Variants in NUFIP2 observed in about 807,000 individuals in gnomAD.
NUFIP2 encodes the protein nuclear FMR1 interacting protein 2, also known as FMR1-interacting protein NUFIP2.
In NUFIP2, 6 loss-of-function variants were observed where a neutral mutation model predicts 56.9. The observed-to-expected ratio is 0.11, with a 90% CI of 0.06 to 0.21. NUFIP2 has a LOEUF of 0.21. NUFIP2 is among the 10% of genes least tolerant of loss of function. NUFIP2 has a pLI of 1.00. For synonymous variants in NUFIP2, 321 were observed against 298.2 expected (o/e 1.08, Z -0.79); for missense variants, 828 against 826.8 (o/e 1.00, Z -0.02).
At chr17:29,291,882 T>C (rs369589868) in intron 1 of NUFIP2, among the ~76,000 whole-genome samples, 2 of 152,168 alleles carry the variant, frequency 1.3e-5, no homozygotes, top group South Asian at 4.1e-4. Flanking sequence ...AGTCCCAAAA[T>C]GGAAAATCTG....
intron 2 of NUFIP2, among the ~76,000 whole-genome samples, chr17:29,285,101 G>C (rs2069164145): frequency 6.6e-6 from 1 of 151,964 alleles, no homozygotes; most frequent in Admixed American, 6.6e-5. Flanking sequence ...AGAAGTTTGA[G>C]ATCAGCCTGG....
chr17:29,270,736 T>C (rs2069067080), intron 2 of NUFIP2, among the ~76,000 whole-genome samples: 2 of 152,084 alleles, frequency 1.3e-5, no homozygotes, highest in African/African-American at 2.4e-5. Flanking sequence ...TCCCAGTACT[T>C]TGGGAGGCCA....
At position 29,287,389 on chromosome 17, in the gene NUFIP2, T is replaced by C; in HGVS notation, c.605A>G (p.Tyr202Cys). 1.2e-6 allele frequency: 2 copies of C among 1,614,098 alleles called. No individual in the cohort carries two copies. The highest frequency in any genetic ancestry group is 1.1e-5 in the South Asian group (1 of 91,080). ...ATCATTATCTGCTCCTTTACCCATA[T>C]AACCATTAGTAATATAACCAGAATT... ...TNNSGYITNGYMGKGADNDGS... is the reference protein window; with the variant it reads ...TNNSGYITNGCMGKGADNDGS... Residue 202 changes from tyrosine (Y) to cysteine (C), a missense_variant, in exon 2 of 4, where the codon TAT becomes TGT. This residue lies in a region of NUFIP2 where 415 missense variants were observed against 408.7 expected (regional missense o/e 1.02). Coordinates refer to ENST00000225388, the MANE Select transcript of NUFIP2 (RefSeq NM_020772.3).
In NUFIP2 at chr17:29,286,245, C is replaced by A. The variant is rs770522126; in HGVS notation, c.1749G>T (p.Gly583=). The A allele has an allele frequency of 6.2e-7, 1 of 1,614,146 alleles. No homozygotes were observed. The highest frequency in any genetic ancestry group is 1.6e-4 in the Middle Eastern group (1 of 6,062). The part of the protein sequence containing the change: ...PQVLGSILKS[G]TTSESGALSL... ...ATAAGGCTCCACTCTCACTAGTAGT[C>A]CCAGATTTTAGAATGCTACCCAGAA... Residue 583 remains glycine (G), a synonymous_variant, in exon 2 of 4, where the codon GGG becomes GGT. Transcript: ENST00000225388.
intron 1 of NUFIP2, among the ~76,000 whole-genome samples, chr17:29,292,923 C>T (rs1467497908): frequency 1.4e-5 from 2 of 145,314 alleles, no homozygotes; most frequent in Admixed American, 6.8e-5. Flanking sequence ...CCGGCGCCCC[C>T]GCAGTGCAGG....
intron 2 of NUFIP2, among the ~76,000 whole-genome samples, chr17:29,281,653 C>T (rs1184912957): frequency 8.8e-5 from 13 of 147,328 alleles, no homozygotes; most frequent in African/African-American, 2.8e-4. Context: ...AGTGCCACTG[C>T]ACTCCAGCCT....
At position 29,258,976 on chromosome 17, in the gene NUFIP2, TTAA is replaced by T. The variant is rs1285990063; in HGVS notation, c.*5560_*5562del. 2.6e-5 allele frequency: 4 copies of T among 152,052 alleles called. No homozygotes were observed. Among genetic ancestry groups the T allele is most frequent in the African/African-American group, 7.3e-5 (3 of 41,314 alleles). The allele number at this position is 152,052 out of a possible 1,614,324, so 9.4% of individuals were successfully genotyped here. A position where few individuals can be genotyped will look rare whatever the true frequency, so the allele number is the denominator to read the frequency against. On this transcript the variant is annotated 3_prime_UTR_variant, in exon 4 of 4. Transcript: ENST00000225388. ...TCTATGAAGGATAAATGAAAACAGA[TTAA>T]TAATAGACAAACAGGGTAAACTAAA...
chr17:29,293,866 C>T lies in NUFIP2; in HGVS notation c.194G>A (p.Ser65Asn), dbSNP rs763899407. ...HQYLQHGAEG[S>N]PKAQPKPLKH... The stretch of plus-strand genomic sequence containing the variant: ...CAGCGGCTTTGGCTGGGCCTTGGGG[C>T]TGCCCTCGGCTCCATGCTGCAGGTA... The change falls in exon 1 of 4, where the codon AGC becomes AAC. Residue 65 changes from serine (S) to asparagine (N), a missense_variant. Ser to Asn is a conservative substitution (Grantham distance 46). Transcript: ENST00000225388. 8 of 1,613,264 alleles carry T rather than the reference C, an allele frequency of 5.0e-6. No homozygotes were observed. Among genetic ancestry groups the T allele is most frequent in the South Asian group, 1.1e-5 (1 of 91,036 alleles).
At chr17:29,291,746 T>C (rs2069214887) in intron 1 of NUFIP2, among the ~76,000 whole-genome samples, 1 of 152,234 alleles carries the variant, frequency 6.6e-6, no homozygotes, top group African/African-American at 2.4e-5. Context: ...TTGAACAAGA[T>C]CTAATGCTAA....
intron 1 of NUFIP2, among the ~76,000 whole-genome samples, chr17:29,291,045 A>AG (rs200746905): frequency 6.6e-5 from 10 of 151,322 alleles, no homozygotes; most frequent in South Asian, 4.2e-4. Flanking sequence ...CAAAAAAAAA[A>AG]AAAAAAAAGA....
chr17:29,279,875 G>A (rs2069130017), intron 2 of NUFIP2, among the ~76,000 whole-genome samples: 1 of 152,148 alleles, frequency 6.6e-6, no homozygotes, highest in Non-Finnish European at 1.5e-5. Flanking sequence ...ATAGAGTGCA[G>A]TGGTGTGATC....
chr17:29,272,638 C>A (rs556014419), intron 2 of NUFIP2, among the ~76,000 whole-genome samples: 2 of 152,270 alleles, frequency 1.3e-5, no homozygotes, highest in South Asian at 4.1e-4. Flanking sequence ...TATACAAAAT[C>A]ATCATACACA....
intron 1 of NUFIP2, among the ~76,000 whole-genome samples, chr17:29,292,407 A>AT (rs35830192): frequency 0.078 from 10,886 of 140,352 alleles, 582 homozygotes; most frequent in South Asian, 0.18. Context: ...AGGTTTTTGG[A>AT]TTTTTTTTTT....
chr17:29,267,060 C>T lies in NUFIP2; in HGVS notation c.2035+438G>A, dbSNP rs367753802. Reference sequence around the variant, plus strand: ...CTGGAATTACAGGCGCCTGCCACCACGCCCAGCTAATTTTTGTATTTTTAG... The same window carrying T: ...CTGGAATTACAGGCGCCTGCCACCATGCCCAGCTAATTTTTGTATTTTTAG... On this transcript the variant is annotated intron_variant, in intron 3 of 3. Transcript: ENST00000225388. Among the ~76,000 whole-genome samples the T allele has an allele frequency of 9.9e-5, 15 of 151,764 alleles. No individual in the cohort carries two copies. In the East Asian group the frequency reaches 1.5e-3, roughly 16 times the overall value.
rs376821554 is a variant in NUFIP2, at chr17:29,286,630, T to A, written c.1364A>T (p.Gln455Leu). Residue 455 changes from glutamine (Q) to leucine (L), a missense_variant, in exon 2 of 4, where the codon CAG becomes CTG. By Grantham distance (113) the Gln-to-Leu change is moderately radical (BLOSUM62 -2). Transcript: ENST00000225388. ...AGCTGCTGAAGTTAGACTCATGTCCTGGAGAACTGAATCTGTCCCAGAAGA... is the reference window on the plus strand; with the variant it reads ...AGCTGCTGAAGTTAGACTCATGTCCAGGAGAACTGAATCTGTCCCAGAAGA... ...PISSGTDSVL[Q>L]DMSLTSAAVE... 17 of 1,614,096 alleles carry A rather than the reference T, an allele frequency of 1.1e-5. No homozygotes were observed. The African/African-American group carries it at 2.0e-4, about 19-fold the overall frequency.
intron 2 of NUFIP2, among the ~76,000 whole-genome samples, chr17:29,282,715 A>G (rs1277761852): frequency 6.6e-6 from 1 of 152,190 alleles, no homozygotes; most frequent in African/African-American, 2.4e-5. Context: ...AATGCAGAGA[A>G]CTTCCAATTC....
intron 2 of NUFIP2, 132 bp downstream of exon 2, chr17:29,285,860 G>A (rs1301648915): frequency 1.5e-6 from 1 of 665,522 alleles, no homozygotes; most frequent in East Asian, 2.8e-5. Context: ...TTTGACACCA[G>A]CTGCTTATCC....
Position 29,258,846 on chromosome 17 carries a change from TC to T in NUFIP2, c.*5692del, listed in dbSNP as rs2068985706. On this transcript the variant is annotated 3_prime_UTR_variant, in exon 4 of 4. Coordinates refer to ENST00000225388, the MANE Select transcript of NUFIP2 (RefSeq NM_020772.3). ...TGCATCACATTCTTGATTTTCAGTT[TC>T]TCATAGCAGCAGGATTAATCTAAGA... 1.3e-5 allele frequency: 2 copies of T among 152,340 alleles called. No homozygotes were observed. The highest frequency in any genetic ancestry group is 1.3e-4 in the Admixed American group (2 of 15,310). The allele number at this position is 152,340 out of a possible 1,614,324, so 9.4% of individuals were successfully genotyped here. A position where few individuals can be genotyped will look rare whatever the true frequency, so the allele number is the denominator to read the frequency against.
At chr17:29,293,613 A>G (rs1598437815) in intron 1 of NUFIP2, among the ~76,000 whole-genome samples, 170 bp downstream of exon 1, 1 of 151,842 alleles carries the variant, frequency 6.6e-6, no homozygotes, top group East Asian at 1.9e-4. Context: ...GGGCGCTGCA[A>G]ACCCCATTGC....
Sources: gnomAD v4.1 joint callset for allele counts (sites outside exome capture counted in the v4.1 genomes callset) on GRCh38, gnomAD v4.1.1 for gene constraint, gnomAD v4.1.1 regional missense constraint, MANE v1.5 for transcripts, NCBI Gene and HGNC (gene_info 2026-07-23, HGNC 2026-07-21) for gene names.